Variants in VPS35 observed in about 807,000 individuals in gnomAD.
VPS35 encodes the protein vacuolar protein sorting-associated protein 35.
A neutral mutation model predicts 98.1 loss-of-function variants in VPS35; 21 were observed. The ratio of observed to expected loss-of-function variants is 0.21; its 90% CI spans 0.15 to 0.31. The LOEUF (loss-of-function observed/expected upper bound fraction) is 0.31. VPS35 is among the 10% of genes least tolerant of loss of function. The pLI, the probability that VPS35 is intolerant of heterozygous loss-of-function variation, is 1.00. For missense variants in VPS35, 554 were observed against 950.8 expected (o/e 0.58, Z 5.49); for synonymous variants, 268 against 318.2 (o/e 0.84, Z 1.68).
chr16:46,673,919 T>C (rs1363074467), intron 10 of VPS35: 1 of 207,380 alleles, frequency 4.8e-6, no homozygotes, highest in Non-Finnish European at 9.8e-6. Context: ...TCGTAAACTT[T>C]CTTAAAACAT....
chr16:46,663,887 TTTTTG>T, intron 13 of VPS35, among the ~76,000 whole-genome samples: 1 of 128,264 alleles, frequency 7.8e-6, no homozygotes, highest in Non-Finnish European at 1.6e-5. Context: ...TTTTTTTTTT[TTTTTG>T]TAGAGACAGG....
At position 46,660,398 on chromosome 16, in the gene VPS35, A is replaced by G. The variant is rs1011657508; in HGVS notation, c.*74T>C. The G allele has an allele frequency of 3.2e-6, 5 of 1,583,296 alleles. No homozygotes were observed. The highest frequency in any genetic ancestry group is 4.3e-6 in the Non-Finnish European group (5 of 1,161,262). ...TCAGCATTTCTGAAAGGCACAATCT[A>G]TGGAAGGGAAACCTAGCGTAATAAA... On this transcript the variant is annotated 3_prime_UTR_variant, in exon 17 of 17. Coordinates refer to ENST00000299138, the MANE Select transcript of VPS35 (RefSeq NM_018206.6).
At chr16:46,687,367 C>T (rs1336114743) in intron 1 of VPS35, among the ~76,000 whole-genome samples, 3 of 152,224 alleles carry the variant, frequency 2.0e-5, no homozygotes, top group Non-Finnish European at 2.9e-5. Flanking sequence ...GCTCTAACTT[C>T]ATTTCCAATA....
At chr16:46,669,280 G>T in intron 12 of VPS35, 1 of 568,674 alleles carries the variant, frequency 1.8e-6, no homozygotes, top group Non-Finnish European at 3.1e-6. Flanking sequence ...CAGAGAGGTT[G>T]TATAACCTGC....
At chr16:46,665,623 T>C (rs899402769) in intron 13 of VPS35, among the ~76,000 whole-genome samples, 9 of 149,298 alleles carry the variant, frequency 6.0e-5, no homozygotes, top group South Asian at 2.1e-4. Context: ...GTGGCAGTCA[T>C]AGACCTTGGC....
intron 13 of VPS35, among the ~76,000 whole-genome samples, chr16:46,666,794 C>T (rs562278913): frequency 2.0e-5 from 3 of 152,250 alleles, no homozygotes; most frequent in East Asian, 1.9e-4. Context: ...AGAATATGTG[C>T]GTACATACAT....
At chr16:46,680,080 C>A (rs1215957339) in intron 5 of VPS35, among the ~76,000 whole-genome samples, 1 of 151,992 alleles carries the variant, frequency 6.6e-6, no homozygotes, top group Non-Finnish European at 1.5e-5. Flanking sequence ...AACAGCTCAC[C>A]CCACTGAAGA....
chr16:46,688,180 C>G (rs1966352387), intron 1 of VPS35: 1 of 405,782 alleles, frequency 2.5e-6, no homozygotes, highest in Non-Finnish European at 3.3e-6. Context: ...TGTTTCCAGG[C>G]TTACAGATTT....
chr16:46,664,850 T>C (rs1965965776), intron 13 of VPS35, among the ~76,000 whole-genome samples: 1 of 152,224 alleles, frequency 6.6e-6, no homozygotes. Context: ...CCTAACAATC[T>C]TCCCGATACT....
chr16:46,678,227 G>A (rs1209081669), intron 6 of VPS35, among the ~76,000 whole-genome samples: 5 of 149,770 alleles, frequency 3.3e-5, no homozygotes, highest in African/African-American at 1.2e-4. Flanking sequence ...TTGTAGACTA[G>A]GGTGTCCAAT....
chr16:46,670,399 T>G (rs1054363472), intron 12 of VPS35, among the ~76,000 whole-genome samples: 1 of 152,158 alleles, frequency 6.6e-6, no homozygotes, highest in Non-Finnish European at 1.5e-5. Flanking sequence ...TTCTCCTGCC[T>G]CAGTCTCCTG....
chr16:46,660,806 C>G, intron 16 of VPS35, 155 bp from the exon 17 acceptor site: 1 of 329,302 alleles, frequency 3.0e-6, no homozygotes, highest in Non-Finnish European at 5.6e-6. Context: ...CTAGTTTGAA[C>G]AATTACTGAC....
At chr16:46,685,065 A>T (rs773226784) in intron 1 of VPS35, among the ~76,000 whole-genome samples, 7 of 152,232 alleles carry the variant, frequency 4.6e-5, no homozygotes, top group Non-Finnish European at 8.8e-5. Context: ...TTTTAGGGGT[A>T]GGGAAAATGT....
In VPS35 at chr16:46,663,113, T is replaced by G; in HGVS notation, c.1697A>C (p.Gln566Pro). 4 of 1,614,204 alleles carry G rather than the reference T, an allele frequency of 2.5e-6. No homozygotes were observed. The highest frequency in any genetic ancestry group is 3.4e-6 in the Non-Finnish European group (4 of 1,180,022). The change falls in exon 14 of 17, where the codon CAG becomes CCG. Residue 566 changes from glutamine to proline, a missense_variant. Coordinates refer to ENST00000299138, the MANE Select transcript of VPS35 (RefSeq NM_018206.6). ...KCQKIFSFAH[Q>P]TISALIKAEL... ...TGCTTTGATCAAAGCACTGATAGTC[T>G]GGTGGGCAAATGAAAAAATCTTCTG...
chr16:46,678,928 C>T lies in VPS35; in HGVS notation c.720+15G>A. 1 of 1,612,758 alleles carries T rather than the reference C, an allele frequency of 6.2e-7. No homozygotes were observed. The highest frequency in any genetic ancestry group is 8.5e-7 in the Non-Finnish European group (1 of 1,179,076). On this transcript the variant is annotated intron_variant, in intron 6 of 16. Transcript: ENST00000299138. ...TATCTCTGAACATAAGAAGAGGTAA[C>T]AAAAATATATAAACCTGTTTGTAAC...
rs2143005149 is a variant in VPS35, at chr16:46,657,273, G to A, written c.*3199C>T. The A allele has an allele frequency of 6.6e-6, 1 of 152,330 alleles. No homozygotes were observed. 9.4% of individuals were successfully genotyped at this position (152,330 alleles called of 1,614,324 possible). On this transcript the variant is annotated 3_prime_UTR_variant, in exon 17 of 17. Transcript: ENST00000299138. The stretch of plus-strand genomic sequence containing the variant: ...ACCCCAGCAAACAGGAAGGTCTCCT[G>A]CACAGATTTCTCTACCTTTCATTTA...
chr16:46,676,976 A>G lies in VPS35; in HGVS notation c.805-284T>C, dbSNP rs1016293558. ...ACCACATTGATACAAAGACCAAGGT[A>G]TAAGTTAGAAACAGAAAATTCCTAT... is the stretch of plus-strand genomic sequence containing the variant. On this transcript the variant is annotated intron_variant, in intron 7 of 16. Coordinates refer to ENST00000299138, the MANE Select transcript of VPS35 (RefSeq NM_018206.6). 3.9e-5 allele frequency among the ~76,000 whole-genome samples: 6 copies of G among 152,206 alleles called. No homozygotes were observed. In the South Asian group the frequency reaches 8.3e-4, roughly 21 times the overall value.
chr16:46,682,888 G>A (rs1470068478), intron 2 of VPS35: 1 of 155,224 alleles, frequency 6.4e-6, no homozygotes, highest in Non-Finnish European at 1.4e-5. Flanking sequence ...ATAGTTTAAA[G>A]TACTAACCAA....
At chr16:46,664,304 G>A (rs991104008) in intron 13 of VPS35, among the ~76,000 whole-genome samples, 3 of 151,664 alleles carry the variant, frequency 2.0e-5, no homozygotes, top group South Asian at 4.2e-4. Context: ...GATTACAAGC[G>A]CGCCACCACG....
Sources: gnomAD v4.1 joint callset for allele counts (sites outside exome capture counted in the v4.1 genomes callset) on GRCh38, gnomAD v4.1.1 for gene constraint, MANE v1.5 for transcripts, NCBI Gene and HGNC (gene_info 2026-07-23, HGNC 2026-07-21) for gene names.